SUMF1: variants seen among roughly 807,000 people sequenced by gnomAD.
SUMF1 encodes the protein formylglycine-generating enzyme.
In SUMF1, 48 loss-of-function variants were observed where a neutral mutation model predicts 47.6. The observed-to-expected ratio is 1.01, with a 90% CI of 0.80 to 1.28. SUMF1 has a LOEUF of 1.28. Among genes scored for constraint, SUMF1 ranks in the 50% most tolerant of loss-of-function variants. The probability of loss-of-function intolerance (pLI) is 0.00; values close to 1 mark genes in which losing one functional copy is unlikely to be tolerated. For synonymous variants in SUMF1, 230 were observed against 192.1 expected (o/e 1.20, Z -1.63); for missense variants, 571 against 485.4 (o/e 1.18, Z -1.66).
intron 8 of SUMF1, among the ~76,000 whole-genome samples, chr3:4,287,452 T>C (rs928520272): frequency 2.0e-5 from 3 of 152,188 alleles, no homozygotes; most frequent in African/African-American, 4.8e-5. Flanking sequence ...ATGGGATGTG[T>C]GTGCTTGTTG....
intron 7 of SUMF1, among the ~76,000 whole-genome samples, chr3:4,404,655 T>C (rs112176829): frequency 2.0e-4 from 30 of 152,282 alleles, no homozygotes; most frequent in African/African-American, 7.0e-4. Context: ...TCCCAGCTAC[T>C]TGCGAGGCTG....
chr3:4,307,376 T>G (rs960428967), intron 8 of SUMF1, among the ~76,000 whole-genome samples: 2 of 152,176 alleles, frequency 1.3e-5, no homozygotes, highest in Non-Finnish European at 2.9e-5. Context: ...CGAAACCTCA[T>G]AACCATGCTT....
intron 3 of SUMF1, among the ~76,000 whole-genome samples, chr3:4,426,664 C>G (rs929475775): frequency 1.9e-4 from 29 of 152,180 alleles, no homozygotes; most frequent in African/African-American, 7.0e-4. Context: ...GAATAGTGTT[C>G]AGGTGTGTTG....
intron 8 of SUMF1, among the ~76,000 whole-genome samples, chr3:4,201,315 C>G (rs1274345915): frequency 6.6e-6 from 1 of 152,030 alleles, no homozygotes; most frequent in Non-Finnish European, 1.5e-5. Flanking sequence ...CTTCTGGTAA[C>G]CATCATTCTA....
rs73806928 is a variant in SUMF1, at chr3:4,196,527, T to C, written c.1015-127782A>G. 4.3e-4 allele frequency among the ~76,000 whole-genome samples: 66 copies of C among 152,260 alleles called. 1 individual carries two copies. The highest frequency in any genetic ancestry group is 1.5e-3 in the African/African-American group (64 of 41,564). ...ATATGGATATCTGCATTCCTAGCCC[T>C]GGCACCTCCATTCAGAGGCCTCCTT... On this transcript the variant is annotated intron_variant and NMD_transcript_variant, in intron 8 of 12. Transcript: ENST00000448413.
At chr3:4,408,290 C>T (rs989276937) in intron 7 of SUMF1, among the ~76,000 whole-genome samples, 15 of 152,262 alleles carry the variant, frequency 9.9e-5, no homozygotes, top group Admixed American at 5.2e-4. Context: ...AACATATTGA[C>T]GATATCAAGC....
At chr3:4,267,429 C>T (rs1697218613) in intron 8 of SUMF1, among the ~76,000 whole-genome samples, 1 of 152,100 alleles carries the variant, frequency 6.6e-6, no homozygotes, top group Admixed American at 6.6e-5. Context: ...TTCAGAGATT[C>T]AACTTCTTCC....
chr3:4,462,283 T>A (rs1161660796), intron 1 of SUMF1, among the ~76,000 whole-genome samples: 1 of 152,120 alleles, frequency 6.6e-6, no homozygotes, highest in Non-Finnish European at 1.5e-5. Flanking sequence ...CAATCAAAGT[T>A]CATCTTTGAA....
intron 8 of SUMF1, among the ~76,000 whole-genome samples, chr3:4,165,771 TG>T (rs1455389447): frequency 6.6e-6 from 1 of 151,684 alleles, no homozygotes; most frequent in African/African-American, 2.4e-5. Context: ...TTGGCCCCAA[TG>T]GCTTAGGATG....
At position 4,136,948 on chromosome 3, in the gene SUMF1, C is replaced by T. The variant is rs1295419967; in HGVS notation, c.1015-68203G>A. Among the ~76,000 whole-genome samples, 10 of 152,112 alleles carry T rather than the reference C, an allele frequency of 6.6e-5. No homozygotes were observed. In the East Asian group the frequency reaches 7.7e-4, roughly 12 times the overall value. On this transcript the variant is annotated intron_variant and NMD_transcript_variant, in intron 8 of 12. Coordinates refer to the SUMF1 transcript ENST00000448413. ...TACTATCTCACACCAGTTAGAATGG[C>T]GATCATTAAAAAGTCAAGAAACAAC...
At chr3:4,035,833 T>A (rs181643835) in intron 9 of SUMF1, among the ~76,000 whole-genome samples, 2 of 152,258 alleles carry the variant, frequency 1.3e-5, no homozygotes, top group Admixed American at 6.5e-5. Context: ...GCGGTCTCAA[T>A]AAACTGTAGT....
chr3:4,182,624 G>A (rs1193282138), intron 8 of SUMF1, among the ~76,000 whole-genome samples: 2 of 151,906 alleles, frequency 1.3e-5, no homozygotes, highest in African/African-American at 2.4e-5. Context: ...CCAAATGCTG[G>A]TGTTCATTCT....
chr3:4,456,868 G>GTGTATATATACGTGTA (rs2079647462), intron 1 of SUMF1, among the ~76,000 whole-genome samples: 3 of 12,682 alleles, frequency 2.4e-4, no homozygotes, highest in African/African-American at 1.0e-3. Context: ...ATATGTGTGT[G>GTGTATATATACGTGTA]TATATCTATA....
intron 8 of SUMF1, among the ~76,000 whole-genome samples, chr3:4,243,204 A>C (rs1374818317): frequency 6.6e-6 from 1 of 152,120 alleles, no homozygotes; most frequent in Non-Finnish European, 1.5e-5. Flanking sequence ...TGATCTTTTC[A>C]ATAAACCAGC....
At chr3:4,443,990 C>T (rs541640480) in intron 3 of SUMF1, among the ~76,000 whole-genome samples, 1 of 152,176 alleles carries the variant, frequency 6.6e-6, no homozygotes, top group East Asian at 1.9e-4. Flanking sequence ...CCTGAGAATA[C>T]TGACCCAATG....
chr3:4,394,942 TCGA>T (rs1241968358), intron 7 of SUMF1, among the ~76,000 whole-genome samples: 1 of 152,204 alleles, frequency 6.6e-6, no homozygotes, highest in East Asian at 1.9e-4. Flanking sequence ...CAACCATCTT[TCGA>T]GAAAGGAACT....
intron 8 of SUMF1, among the ~76,000 whole-genome samples, chr3:4,292,764 C>A (rs1434509091): frequency 2.0e-5 from 3 of 152,192 alleles, no homozygotes; most frequent in Admixed American, 2.0e-4. Context: ...AAAGTGCAAT[C>A]TGAACTGCTT....
chr3:4,211,195 C>CATAT (rs1244951771), intron 8 of SUMF1, among the ~76,000 whole-genome samples: 1 of 57,540 alleles, frequency 1.7e-5, no homozygotes, highest in African/African-American at 7.0e-5. Flanking sequence ...TATACATATA[C>CATAT]ATACATACAT....
intron 8 of SUMF1, among the ~76,000 whole-genome samples, chr3:4,286,443 C>T (rs1258657645): frequency 2.0e-5 from 3 of 152,054 alleles, no homozygotes; most frequent in Admixed American, 1.3e-4. Context: ...CAACAATCAG[C>T]GCACAGTAAA....
Sources: allele counts gnomAD v4.1 joint callset (sites outside exome capture counted in the v4.1 genomes callset), GRCh38; gene constraint gnomAD v4.1.1; transcripts MANE v1.5; gene names NCBI Gene and HGNC (gene_info 2026-07-23, HGNC 2026-07-21).